The following XKR5 variants were observed in gnomAD, a reference collection of about 807,000 sequenced individuals.
XKR5 encodes the protein XK-related protein 5.
Under a neutral mutation model 40.8 loss-of-function variants are expected in XKR5, and 46 were observed. The ratio of observed to expected loss-of-function variants is 1.13; its 90% CI spans 0.89 to 1.44. The LOEUF (loss-of-function observed/expected upper bound fraction) is 1.44. Among genes scored for constraint, XKR5 ranks in the 40% most tolerant of loss-of-function variants. The pLI is 0.00. For synonymous variants in XKR5, 466 were observed against 356.1 expected, an observed-to-expected ratio of 1.31 and a Z score of -3.48; for missense variants, 1,169 against 844.7, an observed-to-expected ratio of 1.38 and a Z score of -4.76.
rs1421040818 is a variant in XKR5, at chr8:6,811,552, T to C, written c.1707A>G (p.Gly569=). 6.5e-7 allele frequency: 1 copy of C among 1,536,158 alleles called. No individual in the cohort carries two copies. The highest frequency in any genetic ancestry group is 1.4e-5 in the African/African-American group (1 of 73,054). ...SPATLQTAHS[G]RRLGKSSPAQ... ...CAGGGCTGCTCTTTCCCAGCCTCCT[T>C]CCAGAGTGGGCCGTTTGCAGAGTAG... Residue 569 remains glycine (G), a synonymous_variant, in exon 7 of 7, where the codon GGA becomes GGG. Coordinates refer to ENST00000618742, the MANE Select transcript of XKR5 (RefSeq NM_207411.5).
chr8:6,815,976 C>T, intron 5 of XKR5, 58 bp from the exon 6 acceptor site: 1 of 1,361,480 alleles, frequency 7.3e-7, no homozygotes, highest in East Asian at 2.5e-5. Flanking sequence ...CCTAGGGACC[C>T]CCGTCCCGTG....
chr8:6,824,674 C>G (rs1296529535), intron 3 of XKR5, among the ~76,000 whole-genome samples: 1 of 152,108 alleles, frequency 6.6e-6, no homozygotes, highest in East Asian at 1.9e-4. Context: ...GGCACTGCAA[C>G]TGCATGCCAC....
chr8:6,815,099 T>A (rs556782383), intron 6 of XKR5, among the ~76,000 whole-genome samples: 30 of 152,280 alleles, frequency 2.0e-4, no homozygotes, highest in African/African-American at 7.2e-4. Context: ...GGTGCTGGCT[T>A]TGACGGTCCC....
rs1803749724 is a variant in XKR5 at position 6,812,160 on chromosome 8, C to A, written c.1099G>T (p.Ala367Ser). ...CCTAAAATGGTTGGTTCATAACTTG[C>A]CCCTTGGCATGAGCCTGAGCTCTCG... ...RTESSGSCQG[A>S]SYEPTILGKP... The change falls in exon 7 of 7, where the codon GCA (alanine) becomes TCA (serine). Residue 367 changes from alanine to serine, a missense_variant. Physicochemically the swap from Ala to Ser is moderately conservative, Grantham distance 99. Transcript: ENST00000618742. 1 of 1,551,618 alleles carries A rather than the reference C, an allele frequency of 6.4e-7. No homozygotes were observed. The highest frequency in any genetic ancestry group is 1.2e-5 in the South Asian group (1 of 84,068).
chr8:6,815,983 C>A (rs911270526), intron 5 of XKR5, 65 bp from the exon 6 acceptor site: 6 of 1,278,616 alleles, frequency 4.7e-6, no homozygotes, highest in Non-Finnish European at 6.6e-6. Flanking sequence ...ACCCCCGTCC[C>A]GTGAGTCTGC....
At chr8:6,822,095 C>G (rs771940636) in intron 4 of XKR5, 57 bp from the exon 5 acceptor site, 7 of 1,516,786 alleles carry the variant, frequency 4.6e-6, no homozygotes, top group South Asian at 1.3e-5. Flanking sequence ...GGGGGACAGG[C>G]AAGGACACAG....
intron 5 of XKR5, among the ~76,000 whole-genome samples, chr8:6,817,554 G>A (rs1341366985): frequency 6.6e-6 from 1 of 151,714 alleles, no homozygotes; most frequent in African/African-American, 2.4e-5. Context: ...AGCAGCTCAA[G>A]GCCTCACCCC....
At position 6,821,992 on chromosome 8, in the gene XKR5, A is replaced by T. The variant is rs373591378; in HGVS notation, c.684T>A (p.Ser228Arg). 91 of 1,604,528 alleles carry T rather than the reference A, an allele frequency of 5.7e-5. No homozygotes were observed. In the African/African-American group the frequency reaches 1.1e-3, roughly 20 times the overall value. ...VMTFWLVAQQSDIIDSTCHWR... is the reference protein window; with the variant it reads ...VMTFWLVAQQRDIIDSTCHWR... ...AGTGGCAGGTGCTGTCGATGATGTC[A>T]CTCTGCTGGGCGACAAGCCAGAATG... Residue 228 changes from serine to arginine, a missense_variant, in exon 5 of 7, where the codon AGT (serine) becomes AGA (arginine). Transcript: ENST00000618742.
At position 6,811,018 on chromosome 8, in the gene XKR5, C is replaced by T. The variant is rs1803652350; in HGVS notation, c.*180G>A. 1.6e-6 allele frequency: 1 copy of T among 638,892 alleles called. No homozygotes were observed. The highest frequency in any genetic ancestry group is 2.1e-5 in the South Asian group (1 of 48,558). The allele number at this position is 638,892 out of a possible 1,614,324, so 39.6% of individuals were successfully genotyped here. ...GCATGGGTGGGGTCTGTGATGTTTG[C>T]ATTGGACCTGCAAAATCATCCAGCC... is the stretch of plus-strand genomic sequence containing the variant. On this transcript the variant is annotated 3_prime_UTR_variant, in exon 7 of 7. Coordinates refer to ENST00000618742, the MANE Select transcript of XKR5 (RefSeq NM_207411.5).
At chr8:6,814,293 T>C (rs1423739558) in intron 6 of XKR5, among the ~76,000 whole-genome samples, 3 of 152,128 alleles carry the variant, frequency 2.0e-5, no homozygotes, top group Admixed American at 6.5e-5. Context: ...GTCCAAACCA[T>C]GGGATGCGAC....
chr8:6,832,641 T>C, intron 2 of XKR5, 76 bp downstream of exon 2: 1 of 1,567,770 alleles, frequency 6.4e-7, no homozygotes. Flanking sequence ...GAGGACAGAA[T>C]CCACATGGAG....
At chr8:6,820,957 A>C (rs1223919805) in intron 5 of XKR5, among the ~76,000 whole-genome samples, 2 of 152,154 alleles carry the variant, frequency 1.3e-5, no homozygotes, top group South Asian at 4.1e-4. Flanking sequence ...TTTATGGGTT[A>C]TTTTGTGCCA....
At chr8:6,823,310 G>T (rs1022448480) in intron 4 of XKR5, among the ~76,000 whole-genome samples, 1 of 152,158 alleles carries the variant, frequency 6.6e-6, no homozygotes, top group African/African-American at 2.4e-5. Context: ...GCAATTCTCA[G>T]CTGCTAATTC....
chr8:6,822,642 A>T (rs185718747), intron 4 of XKR5, among the ~76,000 whole-genome samples: 1 of 152,238 alleles, frequency 6.6e-6, no homozygotes, highest in East Asian at 1.9e-4. Context: ...AATGTCTCCA[A>T]TTCTCTTAAA....
chr8:6,827,294 C>G (rs1365595462), intron 2 of XKR5, among the ~76,000 whole-genome samples: 1 of 152,140 alleles, frequency 6.6e-6, no homozygotes, highest in Non-Finnish European at 1.5e-5. Context: ...CTGTCTTGTT[C>G]AATTTAAGAA....
At position 6,832,891 on chromosome 8, in the gene XKR5, G is replaced by T; in HGVS notation, c.68C>A (p.Thr23Asn). The T allele has an allele frequency of 1.3e-6, 2 of 1,589,036 alleles. No individual in the cohort carries two copies. The highest frequency in any genetic ancestry group is 1.7e-6 in the Non-Finnish European group (2 of 1,169,226). Residue 23 changes from threonine (T) to asparagine (N), a missense_variant, in exon 2 of 7, where the codon ACC becomes AAC. Physicochemically the swap from Thr to Asn is moderately conservative, Grantham distance 65. Transcript: ENST00000618742. Reference sequence around the variant, plus strand: ...TCCTGTGGTGAAGTAGTAAGCCACGGTGTAAAGGCCTGGGTGAGAAGGGGA... The same window carrying T: ...TCCTGTGGTGAAGTAGTAAGCCACGTTGTAAAGGCCTGGGTGAGAAGGGGA... ...QAAEQSARLY[T>N]VAYYFTTGRL...
chr8:6,817,260 C>T (rs776870171), intron 5 of XKR5, among the ~76,000 whole-genome samples: 1 of 152,164 alleles, frequency 6.6e-6, no homozygotes, highest in Non-Finnish European at 1.5e-5. Flanking sequence ...TTGAAACAGC[C>T]CCACCTTAAC....
At chr8:6,823,267 T>C (rs1563356226) in intron 4 of XKR5, among the ~76,000 whole-genome samples, 1 of 152,210 alleles carries the variant, frequency 6.6e-6, no homozygotes, top group Admixed American at 6.5e-5. Context: ...CCTGTTTTTA[T>C]AGAAGACTAG....
chr8:6,816,543 A>G (rs1285949916), intron 5 of XKR5, among the ~76,000 whole-genome samples: 2 of 151,982 alleles, frequency 1.3e-5, no homozygotes, highest in East Asian at 3.8e-4. Flanking sequence ...TTGCTTTCCA[A>G]TTTTTAAATA....
Sources: gnomAD v4.1 joint callset for allele counts (sites outside exome capture counted in the v4.1 genomes callset) on GRCh38, gnomAD v4.1.1 for gene constraint, MANE v1.5 for transcripts, NCBI Gene and HGNC (gene_info 2026-07-23, HGNC 2026-07-21) for gene names.